GATA4: variants seen among roughly 807,000 people sequenced by gnomAD.
GATA4 encodes transcription factor GATA-4.
GATA4 carries 7 observed loss-of-function variants against 37.9 expected under a neutral mutation model. The ratio of observed to expected loss-of-function variants is 0.18; its 90% confidence interval spans 0.11 to 0.35. The LOEUF (loss-of-function observed/expected upper bound fraction) is 0.35, where lower values mean the gene tolerates loss of function less well. Among genes scored for constraint, GATA4 ranks in the 10% least tolerant of loss-of-function variants. The pLI, the probability that GATA4 is intolerant of heterozygous loss-of-function variation, is 1.00. For synonymous variants in GATA4, 372 were observed against 292.6 expected, an observed-to-expected ratio of 1.27 and a Z score of -2.77; for missense variants, 647 against 653.0, an observed-to-expected ratio of 0.99 and a Z score of 0.10.
At chr8:11,680,424 A>C (rs1798920122) in intron 1 of GATA4, 2 of 957,472 alleles carry the variant, frequency 2.1e-6, no homozygotes, top group Admixed American at 1.2e-4. Context: ...GAGGCTGAGG[A>C]GCTCCCTCTC....
At chr8:11,725,287 A>G (rs562901328) in intron 2 of GATA4, among the ~76,000 whole-genome samples, 1 of 152,354 alleles carries the variant, frequency 6.6e-6, no homozygotes, top group East Asian at 1.9e-4. Flanking sequence ...GGGTGGAGAA[A>G]GTCTGGAGGA....
At chr8:11,742,104 A>T (rs577746627) in intron 2 of GATA4, among the ~76,000 whole-genome samples, 3 of 152,044 alleles carry the variant, frequency 2.0e-5, no homozygotes, top group Admixed American at 2.0e-4. Context: ...TCACCCTACT[A>T]TGAGCACAGA....
chr8:11,744,561 C>G (rs1200408700), intron 2 of GATA4, among the ~76,000 whole-genome samples: 1 of 152,186 alleles, frequency 6.6e-6, no homozygotes, highest in Non-Finnish European at 1.5e-5. Flanking sequence ...GAGGTTCATA[C>G]CAGATGTCAG....
intron 2 of GATA4, among the ~76,000 whole-genome samples, chr8:11,734,692 G>A (rs1801371939): frequency 6.6e-6 from 1 of 152,112 alleles, no homozygotes; most frequent in Non-Finnish European, 1.5e-5. Flanking sequence ...GTTTCACCAT[G>A]TTGGTCAGTC....
chr8:11,677,307 G>A (rs578037802), intron 1 of GATA4, among the ~76,000 whole-genome samples: 47 of 152,320 alleles, frequency 3.1e-4, no homozygotes, highest in Non-Finnish European at 6.0e-4. Context: ...CGCAGACGCC[G>A]GGCTTCCTTC....
intron 5 of GATA4, 150 bp downstream of exon 5, chr8:11,755,283 A>G: frequency 1.5e-6 from 1 of 672,862 alleles, no homozygotes; most frequent in Admixed American, 2.4e-5. Flanking sequence ...GACAGGATGA[A>G]GAGCCCAGCA....
intron 1 of GATA4, chr8:11,680,435 A>T: frequency 1.0e-6 from 1 of 977,292 alleles, no homozygotes; most frequent in Non-Finnish European, 1.2e-6. Context: ...GCTCCCTCTC[A>T]TCGCCTCTCC....
At chr8:11,758,250 G>A (rs1289142482) in intron 6 of GATA4, 43 bp from the exon 7 acceptor site, 3 of 1,610,806 alleles carry the variant, frequency 1.9e-6, no homozygotes, top group Non-Finnish European at 2.5e-6. Context: ...CAAGCCCTCA[G>A]GAGCGTCTCC....
At chr8:11,743,688 AGAG>A (rs949594100) in intron 2 of GATA4, among the ~76,000 whole-genome samples, 3 of 152,202 alleles carry the variant, frequency 2.0e-5, no homozygotes, top group African/African-American at 7.2e-5. Context: ...GGAGCAGGTC[AGAG>A]GAGAGGAGAG....
At chr8:11,680,694 G>A (rs1563182976) in intron 1 of GATA4, 2 of 985,334 alleles carry the variant, frequency 2.0e-6, no homozygotes, top group East Asian at 1.1e-4. Context: ...CCCTTGGGGA[G>A]ACCGGAATCC....
intron 2 of GATA4, among the ~76,000 whole-genome samples, chr8:11,735,151 A>G (rs1801394985): frequency 6.6e-6 from 1 of 152,248 alleles, no homozygotes; most frequent in Non-Finnish European, 1.5e-5. Flanking sequence ...TGGTAAAACA[A>G]AGATTTGAAA....
chr8:11,683,006 C>G (rs1024087589), intron 1 of GATA4: 1 of 938,592 alleles, frequency 1.1e-6, no homozygotes, highest in African/African-American at 1.8e-5. Context: ...TGGGAAGAGT[C>G]TTGAGGTGGA....
chr8:11,750,349 CT>C, intron 4 of GATA4, 113 bp downstream of exon 4: 1 of 1,455,206 alleles, frequency 6.9e-7, no homozygotes, highest in Non-Finnish European at 9.4e-7. Context: ...AACAAAGAGA[CT>C]TAGATTTGGA....
rs1800095370 is a variant in GATA4 at position 11,709,886 on chromosome 8, A to G, written c.616+958A>G. ...AAAGGGAAGTGGCAACCCCTAGTTCAAAATGCAAACGACCTCTGGAATTTC... is the reference window on the plus strand; with the variant it reads ...AAAGGGAAGTGGCAACCCCTAGTTCGAAATGCAAACGACCTCTGGAATTTC... On this transcript the variant is annotated intron_variant, in intron 2 of 6. Transcript: ENST00000532059. This position sits in a 1 kb window ranked among gnomAD's most constrained non-coding sequence, Gnocchi z 4.3. Among the ~76,000 whole-genome samples, 2 of 152,196 alleles carry G rather than the reference A, an allele frequency of 1.3e-5. No homozygotes were observed. Among genetic ancestry groups the G allele is most frequent in the African/African-American group, 4.8e-5 (2 of 41,450 alleles).
intron 2 of GATA4, among the ~76,000 whole-genome samples, chr8:11,710,688 CAAAAAAAAAAA>C (rs57178682): frequency 2.7e-5 from 1 of 37,278 alleles, no homozygotes; most frequent in Non-Finnish European, 4.4e-5. Context: ...GACTACGTCT[CAAAAAAAAAAA>C]AAAAAAAAAA....
chr8:11,758,218 A>G, intron 6 of GATA4, 75 bp from the exon 7 acceptor site: 4 of 1,478,350 alleles, frequency 2.7e-6, no homozygotes, highest in Non-Finnish European at 3.8e-6. Context: ...ATAGCAGGGC[A>G]CCCTCCCCAG....
chr8:11,757,729 C>T (rs995088154), intron 6 of GATA4, among the ~76,000 whole-genome samples: 3 of 152,212 alleles, frequency 2.0e-5, no homozygotes, highest in South Asian at 2.1e-4. Flanking sequence ...TTCCCTCTGG[C>T]GGAGGACGAT....
chr8:11,721,261 G>A (rs763096964), intron 2 of GATA4, among the ~76,000 whole-genome samples: 27 of 150,938 alleles, frequency 1.8e-4, no homozygotes, highest in Non-Finnish European at 2.8e-4. Context: ...ATGAGTAGGC[G>A]TTTGCTGCCT....
chr8:11,680,717 G>C (rs1030522338), intron 1 of GATA4: 16 of 985,188 alleles, frequency 1.6e-5, no homozygotes, highest in Non-Finnish European at 1.8e-5. Flanking sequence ...CAGCCGCTGC[G>C]CACGGATACC....
Sources: allele counts gnomAD v4.1 joint callset (sites outside exome capture counted in the v4.1 genomes callset), GRCh38; gene constraint gnomAD v4.1.1; non-coding constraint Gnocchi (gnomAD v3.1); transcripts MANE v1.5; gene names NCBI Gene and HGNC (gene_info 2026-07-23, HGNC 2026-07-21).